The following OPCML variants were observed in gnomAD, a reference collection of about 807,000 sequenced individuals.
OPCML encodes opioid binding protein/cell adhesion molecule like.
OPCML carries 13 observed loss-of-function variants against 37.8 expected under a neutral mutation model. The ratio of observed to expected loss-of-function variants is 0.34; its 90% CI spans 0.22 to 0.55. The LOEUF is 0.55. OPCML is among the 20% of genes least tolerant of loss of function. OPCML has a pLI of 0.91. For missense variants in OPCML, 341 were observed against 435.6 expected (o/e 0.78, Z 1.93); for synonymous variants, 176 against 168.8 (o/e 1.04, Z -0.33).
At chr11:132,981,725 G>A (rs1321477270) in intron 1 of OPCML, among the ~76,000 whole-genome samples, 1 of 152,112 alleles carries the variant, frequency 6.6e-6, no homozygotes, top group Non-Finnish European at 1.5e-5. Flanking sequence ...TTAGAAAAAG[G>A]GTTAAACGTA....
chr11:132,886,231 C>T (rs1171231804), intron 2 of OPCML, among the ~76,000 whole-genome samples: 1 of 152,146 alleles, frequency 6.6e-6, no homozygotes, highest in Admixed American at 6.5e-5. Flanking sequence ...TTATTATAAA[C>T]ATTTACTATT....
chr11:132,964,202 G>A (rs924119369), intron 1 of OPCML, among the ~76,000 whole-genome samples: 40 of 152,206 alleles, frequency 2.6e-4, no homozygotes, highest in African/African-American at 8.9e-4. Flanking sequence ...GAGAAGAATC[G>A]TTTCAGTGCA....
At chr11:132,690,639 A>T (rs1943362401) in intron 2 of OPCML, among the ~76,000 whole-genome samples, 1 of 152,214 alleles carries the variant, frequency 6.6e-6, no homozygotes, top group Admixed American at 6.5e-5. Flanking sequence ...CTATTCAGTC[A>T]TTCATTCAAA....
chr11:132,685,124 T>A (rs890725697), intron 2 of OPCML, among the ~76,000 whole-genome samples: 14 of 152,320 alleles, frequency 9.2e-5, no homozygotes, highest in African/African-American at 3.4e-4. Flanking sequence ...TTGGATTTGA[T>A]TTGCTCTAAA....
rs1021635827 is a variant in OPCML, at chr11:133,183,637, T to A, written c.62-240627A>T. On this transcript the variant is annotated intron_variant, in intron 1 of 7. Coordinates refer to ENST00000524381, the MANE Select transcript of OPCML (RefSeq NM_001012393.5). ...CCTAAATTTTCGAGAGTGTATTGTA[T>A]GTGAGATCATGGTCATGTTATTTTA... Among the ~76,000 whole-genome samples, 3 of 152,208 alleles carry A rather than the reference T, an allele frequency of 2.0e-5. 1 individual carries two copies. The highest frequency in any genetic ancestry group is 2.0e-4 in the Admixed American group (3 of 15,288).
chr11:132,909,504 A>T lies in OPCML; in HGVS notation c.146+33422T>A, dbSNP rs1369815581. Among the ~76,000 whole-genome samples the T allele has an allele frequency of 3.9e-5, 6 of 152,330 alleles. No individual in the cohort carries two copies. The South Asian group carries it at 8.3e-4, about 21-fold the overall frequency. On this transcript the variant is annotated intron_variant, in intron 2 of 7. Coordinates refer to ENST00000524381, the MANE Select transcript of OPCML (RefSeq NM_001012393.5). ...CCAACCCAATAGGAGCTTCAAGGCC[A>T]GGTGAGATCACCAGCCCTTCTACCG...
At chr11:133,321,125 C>T (rs117247224) in intron 1 of OPCML, among the ~76,000 whole-genome samples, 1,751 of 152,214 alleles carry the variant, frequency 0.012, 13 homozygotes, top group Admixed American at 0.019. Context: ...GACAATAAAA[C>T]ATGCCGTATT....
intron 1 of OPCML, among the ~76,000 whole-genome samples, chr11:133,013,419 T>C (rs1475931020): frequency 3.3e-5 from 5 of 152,242 alleles, no homozygotes; most frequent in African/African-American, 1.2e-4. Flanking sequence ...CAGTACCGCA[T>C]ATCATATTTA....
At chr11:132,824,407 A>G (rs1223726874) in intron 2 of OPCML, among the ~76,000 whole-genome samples, 1 of 152,114 alleles carries the variant, frequency 6.6e-6, no homozygotes, top group African/African-American at 2.4e-5. Context: ...ACCCTTCCTA[A>G]GCCAAGTCAG....
At chr11:132,505,451 A>C (rs765122153) in intron 4 of OPCML, among the ~76,000 whole-genome samples, 1 of 152,164 alleles carries the variant, frequency 6.6e-6, no homozygotes, top group Non-Finnish European at 1.5e-5. Context: ...AAAATTGTAG[A>C]CAGCCACCTG....
intron 4 of OPCML, among the ~76,000 whole-genome samples, chr11:132,441,513 T>A (rs903024699): frequency 4.6e-5 from 7 of 152,200 alleles, no homozygotes; most frequent in Admixed American, 6.5e-5. Flanking sequence ...AATATTTTCC[T>A]TGTCAAACAG....
At chr11:132,766,719 T>C (rs7942449) in intron 2 of OPCML, among the ~76,000 whole-genome samples, 12,683 of 151,900 alleles carry the variant, frequency 0.083, 638 homozygotes, top group African/African-American at 0.12. Context: ...GCAGGGACAA[T>C]GCCTTGACAG....
intron 1 of OPCML, among the ~76,000 whole-genome samples, chr11:133,479,971 T>C (rs1947338476): frequency 6.6e-6 from 1 of 152,166 alleles, no homozygotes; most frequent in Admixed American, 6.5e-5. Flanking sequence ...CCCGGGAGGC[T>C]TGTCACCTCA....
At chr11:132,670,222 G>A (rs891313043) in intron 2 of OPCML, among the ~76,000 whole-genome samples, 5 of 152,152 alleles carry the variant, frequency 3.3e-5, no homozygotes, top group African/African-American at 4.8e-5. Context: ...AAAGCAGAGA[G>A]TCTGGGGAGC....
intron 1 of OPCML, among the ~76,000 whole-genome samples, chr11:133,410,901 G>A (rs1479456196): frequency 6.6e-6 from 1 of 152,136 alleles, no homozygotes; most frequent in Non-Finnish European, 1.5e-5. Flanking sequence ...AACTCTTAGA[G>A]ACCATGGGAC....
At chr11:133,022,948 C>G (rs769786845) in intron 1 of OPCML, among the ~76,000 whole-genome samples, 9 of 152,168 alleles carry the variant, frequency 5.9e-5, no homozygotes, top group Non-Finnish European at 1.2e-4. Flanking sequence ...AATGCTTTTG[C>G]TGCTGAGCCT....
chr11:133,477,167 C>T (rs1036896135), intron 1 of OPCML, among the ~76,000 whole-genome samples: 2 of 152,142 alleles, frequency 1.3e-5, no homozygotes, highest in African/African-American at 4.8e-5. Context: ...TTGTTTTTCC[C>T]CCCACGTTTT....
intron 3 of OPCML, among the ~76,000 whole-genome samples, chr11:132,551,793 T>A (rs1012953452): frequency 6.6e-6 from 1 of 152,230 alleles, no homozygotes; most frequent in African/African-American, 2.4e-5. Flanking sequence ...GATCCCTGAA[T>A]GCCTGAGGAG....
intron 1 of OPCML, among the ~76,000 whole-genome samples, chr11:133,322,431 G>A (rs181290886): frequency 1.9e-3 from 291 of 152,232 alleles, no homozygotes; most frequent in Non-Finnish European, 3.1e-3. Flanking sequence ...CAAACAAATC[G>A]TCTGGCGATC....
Sources: allele counts gnomAD v4.1 joint callset (sites outside exome capture counted in the v4.1 genomes callset), GRCh38; gene constraint gnomAD v4.1.1; transcripts MANE v1.5; gene names NCBI Gene and HGNC (gene_info 2026-07-23, HGNC 2026-07-21).